HVCN1: variants seen among roughly 807,000 people sequenced by gnomAD.
HVCN1 encodes hydrogen voltage gated channel 1.
Under a neutral mutation model 29.2 loss-of-function variants are expected in HVCN1, and 14 were observed. The observed-to-expected ratio is 0.48, with a 90% CI of 0.32 to 0.75. The LOEUF (loss-of-function observed/expected upper bound fraction) is 0.75. Ranked by LOEUF, HVCN1 falls within the 30% of genes least tolerant of loss-of-function variation. The pLI is 0.04. For synonymous variants in HVCN1, 131 were observed against 133.2 expected (o/e 0.98, Z 0.11); for missense variants, 263 against 341.8 (o/e 0.77, Z 1.82).
intron 3 of HVCN1, among the ~76,000 whole-genome samples, chr12:110,681,865 G>GC (rs915948020): frequency 8.6e-5 from 13 of 151,770 alleles, no homozygotes; most frequent in Admixed American, 5.9e-4. Context: ...CACAACCAAT[G>GC]CCCCCCAAAT....
intron 2 of HVCN1, 65 bp downstream of exon 2, chr12:110,688,560 C>T (rs1382647630): frequency 6.6e-6 from 1 of 152,310 alleles, no homozygotes; most frequent in Admixed American, 6.5e-5. Context: ...CTGCTTCTCT[C>T]CTACAATCTC....
chr12:110,687,257 A>AAC (rs1286606008), intron 2 of HVCN1, among the ~76,000 whole-genome samples: 2 of 109,280 alleles, frequency 1.8e-5, no homozygotes, highest in Admixed American at 2.0e-4. Flanking sequence ...GACAGACCAC[A>AAC]CCCCCCCCCC....
chr12:110,655,226 A>G lies in HVCN1; in HGVS notation c.411+8T>C. Reference sequence around the variant, plus strand: ...CAGTAAGACCCCAGAAGAGCTGTCAACCCCTACCATGGCAGCATAGTTATT... The same window carrying G: ...CAGTAAGACCCCAGAAGAGCTGTCAGCCCCTACCATGGCAGCATAGTTATT... On this transcript the variant is annotated splice_region_variant and intron_variant, in intron 5 of 7. Transcript: ENST00000242607. The G allele has an allele frequency of 1.9e-6, 3 of 1,602,680 alleles. No homozygotes were observed. The highest frequency in any genetic ancestry group is 2.7e-5 in the African/African-American group (2 of 74,720).
At position 110,649,471 on chromosome 12, in the gene HVCN1, T is replaced by A; in HGVS notation, c.761A>T (p.Gln254Leu). ...TAGTTTGTTAAGTCTTTCAATTTCT[T>A]GTTCCTATTGCAAAAGCAGACAAAC... is the stretch of plus-strand genomic sequence containing the variant. ...HLEFSCSEKE[Q>L]EIERLNKLLR... The change falls in exon 8 of 8, where the codon CAA becomes CTA. Residue 254 changes from glutamine to leucine, a missense_variant. Physicochemically the swap from Gln to Leu is moderately radical, Grantham distance 113 (BLOSUM62 -2). Coordinates refer to ENST00000242607, the MANE Select transcript of HVCN1 (RefSeq NM_032369.4). 6.2e-7 allele frequency: 1 copy of A among 1,601,286 alleles called. No homozygotes were observed. Among genetic ancestry groups the A allele is most frequent in the Non-Finnish European group, 8.5e-7 (1 of 1,171,268 alleles).
At chr12:110,678,706 C>T (rs1221732109) in intron 3 of HVCN1, among the ~76,000 whole-genome samples, 1 of 152,134 alleles carries the variant, frequency 6.6e-6, no homozygotes, top group African/African-American at 2.4e-5. Flanking sequence ...CCTGCCTTGG[C>T]CTCCCAAAGT....
chr12:110,670,145 C>A (rs999687747), intron 3 of HVCN1, among the ~76,000 whole-genome samples: 1 of 152,186 alleles, frequency 6.6e-6, no homozygotes, highest in Non-Finnish European at 1.5e-5. Flanking sequence ...AAACTACCAT[C>A]TGGGAGAGAA....
chr12:110,674,379 C>T (rs2068680286), intron 3 of HVCN1, among the ~76,000 whole-genome samples: 1 of 152,092 alleles, frequency 6.6e-6, no homozygotes, highest in African/African-American at 2.4e-5. Context: ...TCAGATGAGA[C>T]TTTGGACTGT....
intron 3 of HVCN1, among the ~76,000 whole-genome samples, chr12:110,665,142 T>C (rs1049799298): frequency 6.6e-6 from 1 of 152,180 alleles, no homozygotes. Flanking sequence ...CAATACTTTA[T>C]TAGGAAGACA....
intron 2 of HVCN1, among the ~76,000 whole-genome samples, chr12:110,697,638 G>T (rs1217233800): frequency 6.6e-6 from 1 of 151,416 alleles, no homozygotes; most frequent in African/African-American, 2.4e-5. Context: ...GCCACTCACA[G>T]CGCGAAGCAT....
In HVCN1 at chr12:110,661,685, G is replaced by A. The variant is rs1273485472; in HGVS notation, c.22-237C>T. Among the ~76,000 whole-genome samples the A allele has an allele frequency of 6.6e-6, 1 of 152,192 alleles. No individual in the cohort carries two copies. The highest frequency in any genetic ancestry group is 1.5e-5 in the Non-Finnish European group (1 of 68,032). Reference sequence around the variant, plus strand: ...CCCAGCAGGCCTGTCACTGTGGTCTGGTTGGCAGTAACCAACGGAATCAGT... The same window carrying A: ...CCCAGCAGGCCTGTCACTGTGGTCTAGTTGGCAGTAACCAACGGAATCAGT... On this transcript the variant is annotated intron_variant, in intron 3 of 7. Coordinates refer to ENST00000242607, the MANE Select transcript of HVCN1 (RefSeq NM_032369.4). This position sits in a 1 kb window ranked among gnomAD's most constrained non-coding sequence, Gnocchi z 6.2.
intron 3 of HVCN1, among the ~76,000 whole-genome samples, chr12:110,682,293 A>C (rs1369110330): frequency 6.6e-6 from 1 of 151,802 alleles, no homozygotes; most frequent in Non-Finnish European, 1.5e-5. Flanking sequence ...TTTGCCTCCT[A>C]AGTTCAAGCA....
chr12:110,666,627 C>T (rs905957589), intron 3 of HVCN1, among the ~76,000 whole-genome samples: 2 of 152,166 alleles, frequency 1.3e-5, no homozygotes, highest in South Asian at 2.1e-4. Context: ...ACAGCCTCCT[C>T]GCCACACTCC....
intron 2 of HVCN1, among the ~76,000 whole-genome samples, chr12:110,701,311 C>T (rs1029091003): frequency 5.3e-5 from 8 of 152,132 alleles, no homozygotes; most frequent in African/African-American, 1.7e-4. Context: ...CTACTAGGGC[C>T]TAGAGCAGTG....
At chr12:110,686,580 T>C (rs528180978) in intron 2 of HVCN1, among the ~76,000 whole-genome samples, 13 of 152,240 alleles carry the variant, frequency 8.5e-5, no homozygotes, top group South Asian at 4.2e-4. Flanking sequence ...ATTTCCTACC[T>C]TTGCAAGACA....
Position 110,649,053 on chromosome 12 carries a change from T to G in HVCN1, c.*357A>C, listed in dbSNP as rs1360745932. 1.9e-6 allele frequency: 1 copy of G among 532,246 alleles called. No homozygotes were observed. Among genetic ancestry groups the G allele is most frequent in the Non-Finnish European group, 3.6e-6 (1 of 278,428 alleles). 33.0% of individuals were successfully genotyped at this position (532,246 alleles called of 1,614,324 possible). A position where few individuals can be genotyped will look rare whatever the true frequency, so the allele number is the denominator to read the frequency against. On this transcript the variant is annotated 3_prime_UTR_variant, in exon 8 of 8. Transcript: ENST00000242607. The stretch of plus-strand genomic sequence containing the variant: ...TTTTCTTTCTTTCAGAATGCTCAGA[T>G]GCATCAGTTCCTTAATATACACGTG...
intron 2 of HVCN1, among the ~76,000 whole-genome samples, chr12:110,684,349 T>C (rs1323376747): frequency 6.6e-6 from 1 of 152,254 alleles, no homozygotes; most frequent in Non-Finnish European, 1.5e-5. Flanking sequence ...CTTTACATTA[T>C]GTGAATTTCA....
upstream of HVCN1, among the ~76,000 whole-genome samples, chr12:110,692,846 T>A (rs1440057205): frequency 6.6e-6 from 1 of 152,202 alleles, no homozygotes; most frequent in Non-Finnish European, 1.5e-5. Context: ...TTCATTAACC[T>A]CTAACTGAAA....
chr12:110,698,865 C>A (rs993130289), intron 2 of HVCN1, among the ~76,000 whole-genome samples: 2 of 152,166 alleles, frequency 1.3e-5, no homozygotes, highest in African/African-American at 2.4e-5. Context: ...CGGTGGCTCA[C>A]GCCTGTAATC....
chr12:110,661,553 C>T lies in HVCN1; in HGVS notation c.22-105G>A, dbSNP rs1439055741. ...CTGCAGGTGAAGATGGTCCCGGGTG[C>T]GTAGAACCCCCTGCAAGCAGAGACC... On this transcript the variant is annotated intron_variant, in intron 3 of 7. Coordinates refer to ENST00000242607, the MANE Select transcript of HVCN1 (RefSeq NM_032369.4). The surrounding 1 kb of genome is among the most constrained non-coding windows in gnomAD (Gnocchi z 6.2). 1.7e-5 allele frequency: 18 copies of T among 1,036,430 alleles called. No individual in the cohort carries two copies. Among genetic ancestry groups the T allele is most frequent in the Non-Finnish European group, 1.7e-5 (12 of 712,956 alleles). The allele number at this position is 1,036,430 out of a possible 1,614,324, so 64.2% of individuals were successfully genotyped here. A position where few individuals can be genotyped will look rare whatever the true frequency, so the allele number is the denominator to read the frequency against.
Sources: gnomAD v4.1 joint callset for allele counts (sites outside exome capture counted in the v4.1 genomes callset) on GRCh38, gnomAD v4.1.1 for gene constraint, Gnocchi (gnomAD v3.1) non-coding constraint, MANE v1.5 for transcripts, NCBI Gene and HGNC (gene_info 2026-07-23, HGNC 2026-07-21) for gene names.